Variants in CHERP observed in about 807,000 individuals in gnomAD.
CHERP encodes ERPROT 213-21.
CHERP carries 8 observed loss-of-function variants against 113.8 expected under a neutral mutation model. The observed-to-expected ratio is 0.07, with a 90% confidence interval of 0.04 to 0.13. The LOEUF is 0.13. CHERP is among the 10% of genes least tolerant of loss of function. The pLI, the probability that CHERP is intolerant of heterozygous loss-of-function variation, is 1.00. For synonymous variants in CHERP, 559 were observed against 524.5 expected, an observed-to-expected ratio of 1.07 and a Z score of -0.90; for missense variants, 884 against 1,298.2, an observed-to-expected ratio of 0.68 and a Z score of 4.90.
Position 16,520,694 on chromosome 19 carries a change from T to C in CHERP, c.2201+132A>G. On this transcript the variant is annotated intron_variant, in intron 13 of 16. Coordinates refer to ENST00000546361, the MANE Select transcript of CHERP (RefSeq NM_006387.6). This position sits in a 1 kb window ranked among gnomAD's most constrained non-coding sequence, Gnocchi z 4.0. ...GCCTGCTGCTGTGTGAATTCAGGCC[T>C]TGTGGAAAACACCGCCCCATAGGCA... is the stretch of plus-strand genomic sequence containing the variant. The C allele has an allele frequency of 8.6e-7, 1 of 1,169,100 alleles. No homozygotes were observed. The highest frequency in any genetic ancestry group is 1.8e-5 in the Admixed American group (1 of 55,368). 72.4% of individuals were successfully genotyped at this position (1,169,100 alleles called of 1,614,324 possible). A position where few individuals can be genotyped will look rare whatever the true frequency, so the allele number is the denominator to read the frequency against.
In CHERP at chr19:16,519,960, GCAGACCC is replaced by G. The variant is rs2085593369; in HGVS notation, c.2462+182_2462+188del. On this transcript the variant is annotated intron_variant, in intron 15 of 16. Transcript: ENST00000546361. The surrounding 1 kb of genome is among the most constrained non-coding windows in gnomAD (Gnocchi z 6.0). ...CTCCAACCCAGATGGTGGTTAGAAA[GCAGACCC>G]CAGTTACTGCCTCAGGCTTCGCCAA... is the stretch of plus-strand genomic sequence containing the variant. The G allele has an allele frequency of 2.9e-6, 2 of 689,648 alleles. No homozygotes were observed. The highest frequency in any genetic ancestry group is 2.7e-5 in the Admixed American group (1 of 36,656). The allele number at this position is 689,648 out of a possible 1,614,324, so 42.7% of individuals were successfully genotyped here. A position where few individuals can be genotyped will look rare whatever the true frequency, so the allele number is the denominator to read the frequency against.
In CHERP at chr19:16,523,831, A is replaced by C. The variant is rs111266268; in HGVS notation, c.1742-541T>G. On this transcript the variant is annotated intron_variant, in intron 10 of 16. Coordinates refer to ENST00000546361, the MANE Select transcript of CHERP (RefSeq NM_006387.6). This position sits in a 1 kb window ranked among gnomAD's most constrained non-coding sequence, Gnocchi z 4.0. ...TTGGACCTCCAGCCCCCAGATCCTT[A>C]AGACAATACATTCCAGCTGTTGAAG... 4.6e-5 allele frequency among the ~76,000 whole-genome samples: 7 copies of C among 152,320 alleles called. No individual in the cohort carries two copies. The highest frequency in any genetic ancestry group is 1.7e-4 in the African/African-American group (7 of 41,586).
intron 2 of CHERP, among the ~76,000 whole-genome samples, chr19:16,536,248 G>A (rs1018162919): frequency 1.4e-4 from 21 of 152,180 alleles, no homozygotes; most frequent in Non-Finnish European, 2.9e-5. Flanking sequence ...TCCAGTTTGA[G>A]GCAGCAGTGA....
intron 8 of CHERP, among the ~76,000 whole-genome samples, chr19:16,528,607 T>C (rs938843257): frequency 2.2e-4 from 34 of 152,366 alleles, no homozygotes; most frequent in Admixed American, 1.6e-3. Flanking sequence ...TTCTATTCTA[T>C]ACAATCCTCA....
At chr19:16,529,998 G>T in intron 7 of CHERP, 98 bp from the exon 8 acceptor site, 1 of 1,465,976 alleles carries the variant, frequency 6.8e-7, no homozygotes, top group Admixed American at 2.1e-5. Context: ...GAGCCTGGGG[G>T]ACCTGGGGCA....
rs976658559 is a variant in CHERP, at chr19:16,535,012, G to A, written c.384+440C>T. Among the ~76,000 whole-genome samples the A allele has an allele frequency of 5.9e-5, 9 of 152,126 alleles. No individual in the cohort carries two copies. In the South Asian group the frequency reaches 1.7e-3, roughly 28 times the overall value. ...AATCGTTTGAACTCGGGAGGTAGGG[G>A]CTGCAGTGAGCTGAGATCACGCCTC... is the stretch of plus-strand genomic sequence containing the variant. On this transcript the variant is annotated intron_variant, in intron 3 of 16. Coordinates refer to ENST00000546361, the MANE Select transcript of CHERP (RefSeq NM_006387.6). The surrounding 1 kb of genome is among the most constrained non-coding windows in gnomAD (Gnocchi z 4.3).
At chr19:16,538,358 C>T (rs562461687) in intron 2 of CHERP, among the ~76,000 whole-genome samples, 1 of 152,192 alleles carries the variant, frequency 6.6e-6, no homozygotes, top group Non-Finnish European at 1.5e-5. Context: ...CCAACACACC[C>T]TTTACATCTA....
In CHERP at chr19:16,535,551, G is replaced by T; in HGVS notation, c.285C>A (p.Pro95=). 1 of 1,583,980 alleles carries T rather than the reference G, an allele frequency of 6.3e-7. No homozygotes were observed. Among genetic ancestry groups the T allele is most frequent in the South Asian group, 1.1e-5 (1 of 87,798 alleles). ...LPQPPLAPAA[P]IPPAQGAPSM... Reference sequence around the variant, plus strand: ...ATGGCGCGCCCTGGGCCGGCGGGATGGGCGCGGCGGGGGCCAGCGGGGGCT... The same window carrying T: ...ATGGCGCGCCCTGGGCCGGCGGGATTGGCGCGGCGGGGGCCAGCGGGGGCT... The change falls in exon 3 of 17, where the codon CCC becomes CCA. Residue 95 remains proline, a synonymous_variant. Coordinates refer to ENST00000546361, the MANE Select transcript of CHERP (RefSeq NM_006387.6). This position sits in a 1 kb window ranked among gnomAD's most constrained non-coding sequence, Gnocchi z 4.3.
Position 16,532,818 on chromosome 19 carries a change from G to C in CHERP, c.523-69C>G, listed in dbSNP as rs2085715831. On this transcript the variant is annotated intron_variant, in intron 4 of 16. Coordinates refer to ENST00000546361, the MANE Select transcript of CHERP (RefSeq NM_006387.6). This position sits in a 1 kb window ranked among gnomAD's most constrained non-coding sequence, Gnocchi z 4.4. The stretch of plus-strand genomic sequence containing the variant: ...CCCCAGGCACCCACTGCATCCCTGA[G>C]AGCGCGTCACCATCAGCTCAGGGAA... The C allele has an allele frequency of 1.3e-6, 2 of 1,563,226 alleles. No homozygotes were observed. The highest frequency in any genetic ancestry group is 1.7e-6 in the Non-Finnish European group (2 of 1,149,690).
At chr19:16,527,664 C>A (rs572454538) in intron 9 of CHERP, among the ~76,000 whole-genome samples, 1 of 152,330 alleles carries the variant, frequency 6.6e-6, no homozygotes, top group South Asian at 2.1e-4. Context: ...CTCCCAGGGG[C>A]AACACGGCTG....
intron 3 of CHERP, among the ~76,000 whole-genome samples, chr19:16,533,484 G>A (rs1599753042): frequency 6.6e-6 from 1 of 152,206 alleles, no homozygotes; most frequent in African/African-American, 2.4e-5. Flanking sequence ...AAGGCGGGGC[G>A]CGGTGGCTCA....
At chr19:16,533,313 C>A (rs115076742) in intron 3 of CHERP, among the ~76,000 whole-genome samples, 165 bp from the exon 4 acceptor site, 96 of 152,346 alleles carry the variant, frequency 6.3e-4, no homozygotes, top group African/African-American at 2.3e-3. Context: ...GGAGGAGATT[C>A]TGTCTCTCAT....
rs757854182 is a variant in CHERP, at chr19:16,528,169, G to A, written c.1216C>T (p.Arg406Trp). ...GVQDPAAAGP[R>W]GPGPHDQIPP... ...ATCTGGTCGTGTGGCCCGGGGCCCC[G>A]GGGGCCGGCAGCTGCAGGATCCTGG... Residue 406 changes from arginine to tryptophan, a missense_variant, in exon 9 of 17, where the codon CGG becomes TGG. Arg to Trp is a moderately radical substitution (Grantham distance 101). Transcript: ENST00000546361. The A allele has an allele frequency of 1.2e-6, 2 of 1,612,428 alleles. No individual in the cohort carries two copies. Among genetic ancestry groups the A allele is most frequent in the Non-Finnish European group, 1.7e-6 (2 of 1,179,362 alleles).
Position 16,520,400 on chromosome 19 carries a change from C to T in CHERP, c.2309G>A (p.Arg770His), listed in dbSNP as rs373643502. 1.0e-4 allele frequency: 164 copies of T among 1,613,904 alleles called. No homozygotes were observed. The highest frequency in any genetic ancestry group is 1.3e-4 in the Non-Finnish European group (155 of 1,179,994). Residue 770 changes from arginine to histidine, a missense_variant, in exon 14 of 17, where the codon CGC (arginine) becomes CAC (histidine). Around this residue, in one of 8 missense-constraint regions of CHERP, gnomAD observed 159 missense variants for 185.8 expected, o/e 0.86. Transcript: ENST00000546361. This position sits in a 1 kb window ranked among gnomAD's most constrained non-coding sequence, Gnocchi z 4.0. ...GCGGGAGTAGGAACGGGAGCAGGAG[C>T]GCGACCTTGACCTTGAGTACGAGCC... ...SSGSYSRSRS[R>H]SCSRSYSRSR... is the part of the protein sequence containing the mutation.
rs1038591023 is a variant in CHERP, at chr19:16,532,133, G to A, written c.674+465C>T. ...GGCTCTGTTGAAGCCTGAGAGATGGGTCAGGGCTGGAGAAGGGGATCCCAA... is the reference window on the plus strand; with the variant it reads ...GGCTCTGTTGAAGCCTGAGAGATGGATCAGGGCTGGAGAAGGGGATCCCAA... On this transcript the variant is annotated intron_variant, in intron 5 of 16. Coordinates refer to ENST00000546361, the MANE Select transcript of CHERP (RefSeq NM_006387.6). This position sits in a 1 kb window ranked among gnomAD's most constrained non-coding sequence, Gnocchi z 4.4. The A allele has an allele frequency of 4.4e-5, 7 of 159,334 alleles. No homozygotes were observed. Among genetic ancestry groups the A allele is most frequent in the African/African-American group, 1.7e-4 (7 of 41,540 alleles). 9.9% of individuals were successfully genotyped at this position (159,334 alleles called of 1,614,324 possible).
intron 1 of CHERP, 56 bp downstream of exon 1, chr19:16,542,298 G>T: frequency 7.3e-7 from 1 of 1,376,920 alleles, no homozygotes; most frequent in Non-Finnish European, 9.5e-7. Flanking sequence ...GGCGGGGCCG[G>T]CCAATAGGAG....
At chr19:16,533,934 TGC>T (rs1485632788) in intron 3 of CHERP, among the ~76,000 whole-genome samples, 1 of 152,088 alleles carries the variant, frequency 6.6e-6, no homozygotes, top group Non-Finnish European at 1.5e-5. Flanking sequence ...CCGGTTAAAG[TGC>T]GACTGGTAAA....
chr19:16,542,346 G>T lies in CHERP; in HGVS notation c.25+8C>A, dbSNP rs2085786411. On this transcript the variant is annotated splice_region_variant and intron_variant, in intron 1 of 16. Coordinates refer to ENST00000546361, the MANE Select transcript of CHERP (RefSeq NM_006387.6). ...GAGAAACGGTCTCTCGGCCGGTTTGGGTCTCACCATCGGGGGGCAGCGGCA... is the reference window on the plus strand; with the variant it reads ...GAGAAACGGTCTCTCGGCCGGTTTGTGTCTCACCATCGGGGGGCAGCGGCA... 4 of 1,411,948 alleles carry T rather than the reference G, an allele frequency of 2.8e-6. No individual in the cohort carries two copies. The highest frequency in any genetic ancestry group is 3.7e-6 in the Non-Finnish European group (4 of 1,078,590). 87.5% of individuals were successfully genotyped at this position (1,411,948 alleles called of 1,614,324 possible).
rs777719318 is a variant in CHERP at position 16,528,175 on chromosome 19, C to T, written c.1210G>A (p.Gly404Ser). The T allele has an allele frequency of 3.1e-6, 5 of 1,613,100 alleles. No homozygotes were observed. The highest frequency in any genetic ancestry group is 3.4e-6 in the Non-Finnish European group (4 of 1,179,692). ...TCGTGTGGCCCGGGGCCCCGGGGGCCGGCAGCTGCAGGATCCTGGACCCCT... is the reference window on the plus strand; with the variant it reads ...TCGTGTGGCCCGGGGCCCCGGGGGCTGGCAGCTGCAGGATCCTGGACCCCT... ...PGGVQDPAAA[G>S]PRGPGPHDQI... is the part of the protein sequence containing the mutation. The change falls in exon 9 of 17, where the codon GGC becomes AGC. Residue 404 changes from glycine (G) to serine (S), a missense_variant. Transcript: ENST00000546361.
Sources: allele counts gnomAD v4.1 joint callset (sites outside exome capture counted in the v4.1 genomes callset), GRCh38; gene constraint gnomAD v4.1.1; regional missense constraint gnomAD v4.1.1; non-coding constraint Gnocchi (gnomAD v3.1); transcripts MANE v1.5; gene names NCBI Gene and HGNC (gene_info 2026-07-23, HGNC 2026-07-21).